Variants in FAM161B observed in about 807,000 individuals in gnomAD.
The protein encoded by FAM161B is protein FAM161B.
A neutral mutation model predicts 61.5 loss-of-function variants in FAM161B; 46 were observed. The ratio of observed to expected loss-of-function variants is 0.75; its 90% CI spans 0.59 to 0.96. The LOEUF is 0.96. FAM161B is among the 40% of genes least tolerant of loss of function. FAM161B has a pLI of 0.00. For missense variants in FAM161B, 774 were observed against 800.7 expected (o/e 0.97, Z 0.40); for synonymous variants, 284 against 302.7 (o/e 0.94, Z 0.64).
At position 73,942,716 on chromosome 14, in the gene FAM161B, C is replaced by T; in HGVS notation, c.926-1G>A. 3 of 1,610,150 alleles carry T rather than the reference C, an allele frequency of 1.9e-6. No homozygotes were observed. Among genetic ancestry groups the T allele is most frequent in the African/African-American group, 2.7e-5 (2 of 74,876 alleles). ...CGAATTTTCCTGAAGAGCTCAGCTT[C>T]TGTGGAGAAAGGATGGTGATGGGTA... On this transcript the variant is annotated splice_acceptor_variant, in intron 3 of 8. Coordinates refer to ENST00000286544, the MANE Select transcript of FAM161B (RefSeq NM_152445.3). LOFTEE classifies it high-confidence loss of function.
At chr14:73,947,112 G>A (rs1242181083) in intron 1 of FAM161B, among the ~76,000 whole-genome samples, 1 of 152,148 alleles carries the variant, frequency 6.6e-6, no homozygotes, top group African/African-American at 2.4e-5. Flanking sequence ...ATGGCTGGGT[G>A]CAGTGGCTCA....
downstream of FAM161B, among the ~76,000 whole-genome samples, chr14:73,927,513 C>T (rs1281867827): frequency 1.3e-5 from 2 of 152,190 alleles, no homozygotes; most frequent in Non-Finnish European, 2.9e-5. Flanking sequence ...CAACCCACAG[C>T]ACCTAGCCTT....
chr14:73,924,705 C>T, the FAM161B span: 1 of 445,576 alleles, frequency 2.2e-6, no homozygotes, highest in African/African-American at 2.0e-5. Flanking sequence ...GAGACAGAGT[C>T]TCGCTCCGTT....
intron 7 of FAM161B, 25 bp from the exon 8 acceptor site, chr14:73,936,113 G>A: frequency 6.3e-7 from 1 of 1,580,572 alleles, no homozygotes; most frequent in Non-Finnish European, 8.6e-7. Flanking sequence ...TTAATCTGTT[G>A]TAGCTGTCTT....
In FAM161B at chr14:73,946,593, CGG is replaced by C. The variant is rs775951198; in HGVS notation, c.65_66del (p.Pro22ArgfsTer26). The C allele has an allele frequency of 2.5e-6, 4 of 1,612,664 alleles. No individual in the cohort carries two copies. The Admixed American group carries it at 5.0e-5, about 20-fold the overall frequency. ...CCTGCCTCTGTGTCTGCGAAGGACTCGGGGGGAAATATCTAAAATAGAATAGA... is the reference window on the plus strand; with the variant it reads ...CCTGCCTCTGTGTCTGCGAAGGACTCGGGGAAATATCTAAAATAGAATAGA... ...GAEGSRQIFP[P>X]ESFADTEAGE... On this transcript the variant is annotated frameshift_variant, in exon 2 of 9. Transcript: ENST00000286544. LOFTEE classifies it high-confidence loss of function.
At chr14:73,947,256 G>C (rs924551926) in intron 1 of FAM161B, among the ~76,000 whole-genome samples, 2 of 151,968 alleles carry the variant, frequency 1.3e-5, no homozygotes, top group Non-Finnish European at 2.9e-5. Context: ...GTGGTGGCGG[G>C]TGCCTGTAAT....
At chr14:73,945,419 ATTTTT>A (rs924366686) in intron 2 of FAM161B, among the ~76,000 whole-genome samples, 46 of 151,396 alleles carry the variant, frequency 3.0e-4, no homozygotes, top group Non-Finnish European at 1.2e-4. Flanking sequence ...GCTTCCCTGT[ATTTTT>A]TTTTATTTTT....
intron 1 of FAM161B, among the ~76,000 whole-genome samples, chr14:73,948,196 T>C (rs541157632): frequency 1.3e-5 from 2 of 152,348 alleles, no homozygotes; most frequent in Admixed American, 1.3e-4. Context: ...AGTGCTGGGA[T>C]TACAGGCGTG....
At chr14:73,947,944 G>A (rs2056080315) in intron 1 of FAM161B, among the ~76,000 whole-genome samples, 1 of 151,870 alleles carries the variant, frequency 6.6e-6, no homozygotes, top group African/African-American at 2.4e-5. Flanking sequence ...TTTTGAGACA[G>A]GTTCTTGCTC....
intron 8 of FAM161B, among the ~76,000 whole-genome samples, chr14:73,935,096 A>G (rs758216458): frequency 6.6e-5 from 10 of 151,546 alleles, no homozygotes; most frequent in Non-Finnish European, 1.3e-4. Flanking sequence ...ACTATTTTAT[A>G]TGGGATGTAA....
downstream of FAM161B, chr14:73,927,089 ATTT>A (rs113156661): frequency 2.6e-5 from 4 of 151,322 alleles, no homozygotes; most frequent in South Asian, 1.6e-4. Flanking sequence ...GTTTATTATG[ATTT>A]TTTTTTTTTT....
At chr14:73,938,264 G>A in intron 5 of FAM161B, 152 bp from the exon 6 acceptor site, 2 of 768,586 alleles carry the variant, frequency 2.6e-6, no homozygotes, top group Non-Finnish European at 4.1e-6. Flanking sequence ...TCCAAGACCA[G>A]CCTGGCCAAT....
At chr14:73,937,343 T>C (rs2140342764) in intron 7 of FAM161B, among the ~76,000 whole-genome samples, 1 of 152,270 alleles carries the variant, frequency 6.6e-6, no homozygotes, top group East Asian at 1.9e-4. Context: ...TCTGATGAAA[T>C]CTGAATGGTA....
chr14:73,932,848 G>T lies in FAM161B; in HGVS notation c.*1408C>A. 1 of 169,254 alleles carries T rather than the reference G, an allele frequency of 5.9e-6. No homozygotes were observed. Among genetic ancestry groups the T allele is most frequent in the South Asian group, 1.4e-4 (1 of 6,902 alleles). 10.5% of individuals were successfully genotyped at this position (169,254 alleles called of 1,614,324 possible). A position where few individuals can be genotyped will look rare whatever the true frequency, so the allele number is the denominator to read the frequency against. On this transcript the variant is annotated 3_prime_UTR_variant, in exon 9 of 9. Coordinates refer to ENST00000286544, the MANE Select transcript of FAM161B (RefSeq NM_152445.3). ...TGTGTTGCCCAGGCTGGTCTTGAAC[G>T]CCTGGCTTCAAGCGATCCTCCTGCC...
downstream of FAM161B, chr14:73,931,776 C>G: frequency 1.9e-6 from 1 of 530,894 alleles, no homozygotes; most frequent in East Asian, 3.6e-5. Context: ...GAAACTGTAC[C>G]TACCTCTCTT....
chr14:73,942,623 C>T lies in FAM161B; in HGVS notation c.1018G>A (p.Ala340Thr), dbSNP rs1327039763. The T allele has an allele frequency of 2.5e-6, 4 of 1,614,042 alleles. No individual in the cohort carries two copies. Among genetic ancestry groups the T allele is most frequent in the Non-Finnish European group, 3.4e-6 (4 of 1,180,038 alleles). ...SSPIASSSNR[A>T]NPQPRTATRT... is the part of the protein sequence containing the mutation. ...GTGGCTGTGCGGGGCTGTGGGTTAG[C>T]CCGGTTACTAGAGGAGGCGATAGGG... Residue 340 changes from alanine (A) to threonine (T), a missense_variant, in exon 4 of 9, where the codon GCT becomes ACT. Ala to Thr is a moderately conservative substitution (Grantham distance 58). Transcript: ENST00000286544.
rs749925848 is a variant in FAM161B, at chr14:73,937,997, G to C, written c.1516C>G (p.Pro506Ala). The change falls in exon 6 of 9, where the codon CCC (proline) becomes GCC (alanine). Residue 506 changes from proline (P) to alanine (A), a missense_variant. Coordinates refer to ENST00000286544, the MANE Select transcript of FAM161B (RefSeq NM_152445.3). The part of the protein sequence containing the change: ...SVTLRAKAMD[P>A]HKSLEEVFKA... Reference sequence around the variant, plus strand: ...AACACTTCCTCCAGGCTTTTATGGGGATCCATGGCTTTTGCACGCAAGGTC... The same window carrying C: ...AACACTTCCTCCAGGCTTTTATGGGCATCCATGGCTTTTGCACGCAAGGTC... The C allele has an allele frequency of 6.2e-7, 1 of 1,614,206 alleles. No homozygotes were observed. The highest frequency in any genetic ancestry group is 1.1e-5 in the South Asian group (1 of 91,090).
At position 73,942,402 on chromosome 14, in the gene FAM161B, C is replaced by T; in HGVS notation, c.1239G>A (p.Arg413=). The T allele has an allele frequency of 1.2e-6, 2 of 1,614,082 alleles. No homozygotes were observed. Among genetic ancestry groups the T allele is most frequent in the Non-Finnish European group, 1.7e-6 (2 of 1,179,996 alleles). The change falls in exon 4 of 9, where the codon CGG becomes CGA. Residue 413 remains arginine, a synonymous_variant. Transcript: ENST00000286544. ...TTCCGGTGGTGGCAGCATCACAGGG[C>T]CGCTGAGGGTGGCGCAGGTTGGCGG... is the stretch of plus-strand genomic sequence containing the variant. ...LRTANLRHPQ[R]PCDAATTGRR...
chr14:73,928,021 T>TA (rs1279439789), downstream of FAM161B: 1 of 168,290 alleles, frequency 5.9e-6, no homozygotes. Flanking sequence ...GTATTTTTGA[T>TA]AGAGACGGGG....
Sources: gnomAD v4.1 joint callset for allele counts (sites outside exome capture counted in the v4.1 genomes callset) on GRCh38, gnomAD v4.1.1 for gene constraint, MANE v1.5 for transcripts, NCBI Gene and HGNC (gene_info 2026-07-23, HGNC 2026-07-21) for gene names.